Variants in SRBD1 observed in about 807,000 individuals in gnomAD.
SRBD1 encodes the protein S1 RNA-binding domain-containing protein 1.
Under a neutral mutation model 115.3 loss-of-function variants are expected in SRBD1, and 88 were observed. The ratio of observed to expected loss-of-function variants is 0.76; its 90% CI spans 0.64 to 0.91. The LOEUF (loss-of-function observed/expected upper bound fraction) is 0.91, where lower values mean the gene tolerates loss of function less well. Among genes scored for constraint, SRBD1 ranks in the 40% least tolerant of loss-of-function variants. The pLI is 0.00. For synonymous variants in SRBD1, 509 were observed against 407.7 expected, an observed-to-expected ratio of 1.25 and a Z score of -2.99; for missense variants, 1,385 against 1,177.4, an observed-to-expected ratio of 1.18 and a Z score of -2.58.
intron 16 of SRBD1, among the ~76,000 whole-genome samples, chr2:45,475,755 G>C (rs936844734): frequency 6.6e-6 from 1 of 152,216 alleles, no homozygotes; most frequent in African/African-American, 2.4e-5. Context: ...CTAGAGTGCA[G>C]TGGCACAATC....
chr2:45,404,739 A>G (rs565180839), intron 19 of SRBD1, among the ~76,000 whole-genome samples: 1 of 152,242 alleles, frequency 6.6e-6, no homozygotes, highest in Non-Finnish European at 1.5e-5. Flanking sequence ...TCCTTTTAAC[A>G]TGTAAATCAG....
At chr2:45,496,362 T>C (rs1471947351) in intron 14 of SRBD1, among the ~76,000 whole-genome samples, 4 of 152,044 alleles carry the variant, frequency 2.6e-5, no homozygotes, top group African/African-American at 4.8e-5. Context: ...TATTTTGCTA[T>C]ATTTTCCCAA....
chr2:45,430,257 A>G (rs535294224), intron 16 of SRBD1, among the ~76,000 whole-genome samples: 43 of 152,304 alleles, frequency 2.8e-4, no homozygotes, highest in African/African-American at 9.9e-4. Flanking sequence ...CCATCAAGCT[A>G]CCACTGACTT....
chr2:45,439,375 AT>A (rs1668593198), intron 16 of SRBD1, among the ~76,000 whole-genome samples: 3 of 148,742 alleles, frequency 2.0e-5, no homozygotes, highest in Non-Finnish European at 4.4e-5. Context: ...ATATATATAT[AT>A]ATAAAACAAT....
chr2:45,396,785 T>C (rs1667156989), intron 19 of SRBD1, among the ~76,000 whole-genome samples: 1 of 152,210 alleles, frequency 6.6e-6, no homozygotes, highest in Admixed American at 6.5e-5. Flanking sequence ...CAGTTTTATG[T>C]CATCATTTCC....
At chr2:45,432,950 A>G (rs1668384739) in intron 16 of SRBD1, among the ~76,000 whole-genome samples, 1 of 152,198 alleles carries the variant, frequency 6.6e-6, no homozygotes, top group African/African-American at 2.4e-5. Flanking sequence ...CTGAAGGACG[A>G]AAAGTATCTA....
intron 16 of SRBD1, among the ~76,000 whole-genome samples, chr2:45,430,757 CCAAAAGCAATGGCAA>C (rs1668307576): frequency 1.3e-5 from 2 of 152,098 alleles, no homozygotes; most frequent in Admixed American, 1.3e-4. Flanking sequence ...GACTAAAACA[CCAAAAGCAATGGCAA>C]CAAAAGCAAA....
intron 14 of SRBD1, among the ~76,000 whole-genome samples, chr2:45,525,535 A>G (rs1258940291): frequency 1.3e-5 from 2 of 152,024 alleles, no homozygotes; most frequent in Non-Finnish European, 2.9e-5. Context: ...TGGTGACTAT[A>G]GTTAATAACA....
chr2:45,554,087 T>A (rs1198968894), intron 10 of SRBD1, among the ~76,000 whole-genome samples: 1 of 152,138 alleles, frequency 6.6e-6, no homozygotes, highest in Non-Finnish European at 1.5e-5. Context: ...CCTCCCCATA[T>A]CCATACCTTG....
At chr2:45,497,582 G>C (rs1010082852) in intron 14 of SRBD1, among the ~76,000 whole-genome samples, 9 of 152,140 alleles carry the variant, frequency 5.9e-5, no homozygotes, top group Admixed American at 2.0e-4. Flanking sequence ...GTTCTCTGGT[G>C]AATCAGATAC....
chr2:45,450,690 T>C lies in SRBD1; in HGVS notation c.2049+26303A>G, dbSNP rs185783077. ...GGATGAATACCCATCAAGTTAGTTT[T>C]AGAACATATAAGAAGCATCAGAGTT... On this transcript the variant is annotated intron_variant, in intron 16 of 20. Transcript: ENST00000263736. Among the ~76,000 whole-genome samples the C allele has an allele frequency of 2.8e-3, 429 of 152,226 alleles. 1 individual carries two copies. The highest frequency in any genetic ancestry group is 1.0e-2 in the African/African-American group (414 of 41,566).
At chr2:45,456,713 G>A (rs1293250161) in intron 16 of SRBD1, among the ~76,000 whole-genome samples, 2 of 151,768 alleles carry the variant, frequency 1.3e-5, no homozygotes, top group Non-Finnish European at 2.9e-5. Flanking sequence ...GTTGAGGCCA[G>A]CATGCTGAAG....
At chr2:45,495,447 C>A (rs1278550328) in intron 14 of SRBD1, among the ~76,000 whole-genome samples, 1 of 152,122 alleles carries the variant, frequency 6.6e-6, no homozygotes, top group Non-Finnish European at 1.5e-5. Context: ...AAATTGTTTC[C>A]CCTTACCTTC....
chr2:45,608,421 T>A (rs1674340377), intron 1 of SRBD1, among the ~76,000 whole-genome samples: 1 of 152,182 alleles, frequency 6.6e-6, no homozygotes, highest in Middle Eastern at 3.2e-3. Context: ...TAAAACTACC[T>A]ACGACAGGTA....
At chr2:45,425,643 C>A (rs944984027) in intron 16 of SRBD1, among the ~76,000 whole-genome samples, 1 of 152,010 alleles carries the variant, frequency 6.6e-6, no homozygotes, top group Admixed American at 6.6e-5. Context: ...ACTGGTTAGA[C>A]AGTGGGTACA....
In SRBD1 at chr2:45,393,038, C is replaced by G; in HGVS notation, c.2605G>C (p.Glu869Gln). 1.9e-6 allele frequency: 3 copies of G among 1,614,084 alleles called. No individual in the cohort carries two copies. The highest frequency in any genetic ancestry group is 2.5e-6 in the Non-Finnish European group (3 of 1,179,976). The change falls in exon 20 of 21, where the codon GAG (glutamate) becomes CAG (glutamine). Residue 869 changes from glutamate to glutamine, a missense_variant. Transcript: ENST00000263736. ...INSFLEKEGM[E>Q]KIAERLQTTV... The stretch of plus-strand genomic sequence containing the variant: ...GTTTGCAATCTTTCTGCAATTTTCT[C>G]CATTCCTTCCTTTTCAAGGAATGAA...
Position 45,579,923 on chromosome 2 carries a change from T to C in SRBD1, c.1024A>G (p.Lys342Glu). 2 of 1,610,330 alleles carry C rather than the reference T, an allele frequency of 1.2e-6. No homozygotes were observed. The highest frequency in any genetic ancestry group is 1.7e-6 in the Non-Finnish European group (2 of 1,178,246). ...GATAGCAGACTGAGCTCCCCTGGTTTCTCAAGCAGTGCCCTGGCTGCTCCT... is the reference window on the plus strand; with the variant it reads ...GATAGCAGACTGAGCTCCCCTGGTTCCTCAAGCAGTGCCCTGGCTGCTCCT... ...LEGAARALLE[K>E]PGELSLLSYI... The change falls in exon 7 of 21, where the codon AAA (lysine) becomes GAA (glutamate). Residue 342 changes from lysine (K) to glutamate (E), a missense_variant. Physicochemically the swap from Lys to Glu is moderately conservative, Grantham distance 56 (BLOSUM62 1). Coordinates refer to ENST00000263736, the MANE Select transcript of SRBD1 (RefSeq NM_018079.5).
intron 14 of SRBD1, chr2:45,546,461 G>A (rs894368332): frequency 6.6e-6 from 4 of 608,116 alleles, no homozygotes; most frequent in African/African-American, 2.0e-5. Context: ...CTCACACAAT[G>A]TATAGCCTAG....
chr2:45,565,109 T>G (rs1672785907), intron 9 of SRBD1, among the ~76,000 whole-genome samples: 1 of 152,226 alleles, frequency 6.6e-6, no homozygotes, highest in Non-Finnish European at 1.5e-5. Context: ...CCAATTGGCA[T>G]GTTTTGTGGA....
Sources: allele counts gnomAD v4.1 joint callset (sites outside exome capture counted in the v4.1 genomes callset), GRCh38; gene constraint gnomAD v4.1.1; transcripts MANE v1.5; gene names NCBI Gene and HGNC (gene_info 2026-07-23, HGNC 2026-07-21).